NTM: variants seen among roughly 807,000 people sequenced by gnomAD.
NTM encodes IgLON family member 2.
A neutral mutation model predicts 42.1 loss-of-function variants in NTM; 13 were observed. The observed-to-expected ratio is 0.31, with a 90% CI of 0.20 to 0.49. NTM has a LOEUF of 0.49. Ranked by LOEUF, NTM falls within the 20% of genes least tolerant of loss-of-function variation. The probability of loss-of-function intolerance (pLI) is 0.99; values close to 1 mark genes in which losing one functional copy is unlikely to be tolerated. For missense variants in NTM, 373 were observed against 452.8 expected, an observed-to-expected ratio of 0.82 and a Z score of 1.60; for synonymous variants, 187 against 179.2, an observed-to-expected ratio of 1.04 and a Z score of -0.35.
At chr11:132,144,435 TG>T (rs1314310564) in intron 2 of NTM, among the ~76,000 whole-genome samples, 4 of 152,220 alleles carry the variant, frequency 2.6e-5, no homozygotes, top group African/African-American at 9.6e-5. Flanking sequence ...TTTAAGGCTG[TG>T]TTCTCACCAC....
intron 1 of NTM, among the ~76,000 whole-genome samples, chr11:131,686,812 A>C (rs1171502763): frequency 1.3e-5 from 2 of 152,220 alleles, no homozygotes; most frequent in African/African-American, 4.8e-5. Context: ...TGATGTTTTC[A>C]AAGGTAGAAA....
chr11:132,313,995 ATG>A (rs2095354763), intron 6 of NTM, among the ~76,000 whole-genome samples: 1 of 152,200 alleles, frequency 6.6e-6, no homozygotes, highest in African/African-American at 2.4e-5. Context: ...TGAGAAAATG[ATG>A]ATTTTTCTCC....
chr11:132,140,409 A>G (rs1418805655), intron 2 of NTM, among the ~76,000 whole-genome samples: 1 of 152,174 alleles, frequency 6.6e-6, no homozygotes, highest in African/African-American at 2.4e-5. Context: ...TTTCATAGCT[A>G]GGAAAGATTC....
In NTM at chr11:131,922,913, A is replaced by G. The variant is rs367976364; in HGVS notation, c.167+11265A>G. 2.6e-4 allele frequency among the ~76,000 whole-genome samples: 40 copies of G among 152,294 alleles called. 2 individuals are homozygous for G. The highest frequency in any genetic ancestry group is 9.1e-4 in the African/African-American group (38 of 41,552). ...ACGTCGCTGCTGCCTCGCTCGTGGGAATGCAGAACGCTGAACTTCTCTGCT... is the reference window on the plus strand; with the variant it reads ...ACGTCGCTGCTGCCTCGCTCGTGGGGATGCAGAACGCTGAACTTCTCTGCT... On this transcript the variant is annotated intron_variant, in intron 2 of 8. Transcript: ENST00000683400.
At chr11:132,315,195 T>C in intron 7 of NTM, 1 of 620,684 alleles carries the variant, frequency 1.6e-6, no homozygotes, top group African/African-American at 2.0e-5. Context: ...CTTACTGGCT[T>C]AGTGTAAAAT....
At chr11:131,516,785 CAG>C (rs1565589867) in intron 1 of NTM, among the ~76,000 whole-genome samples, 1 of 152,196 alleles carries the variant, frequency 6.6e-6, no homozygotes, top group African/African-American at 2.4e-5. Flanking sequence ...TGTGACTGCT[CAG>C]AGAGAAGGTC....
chr11:132,004,651 C>CA (rs1555214631), intron 2 of NTM, among the ~76,000 whole-genome samples: 2 of 151,420 alleles, frequency 1.3e-5, no homozygotes, highest in Non-Finnish European at 2.9e-5. Flanking sequence ...CACACACACA[C>CA]ACAACACACA....
chr11:131,801,304 G>T (rs917268428), intron 1 of NTM, among the ~76,000 whole-genome samples: 8 of 152,172 alleles, frequency 5.3e-5, no homozygotes, highest in Admixed American at 2.0e-4. Context: ...TCAATTGTGT[G>T]TTGGGAGTTG....
chr11:132,050,815 C>A (rs982091343), intron 2 of NTM, among the ~76,000 whole-genome samples: 2 of 152,222 alleles, frequency 1.3e-5, no homozygotes, highest in Non-Finnish European at 2.9e-5. Context: ...GCAGGGCTGG[C>A]TGGTGTCTCT....
rs73592232 is a variant in NTM, at chr11:131,649,590, G to C, written c.83-261974G>C. On this transcript the variant is annotated intron_variant, in intron 1 of 8. Coordinates refer to ENST00000683400, the MANE Select transcript of NTM (RefSeq NM_001352005.2). Reference sequence around the variant, plus strand: ...ATCTATTCTCCGAGGTCACACTAGAGTTCCATAAGGTCAAGGAGTTAATCG... The same window carrying C: ...ATCTATTCTCCGAGGTCACACTAGACTTCCATAAGGTCAAGGAGTTAATCG... Among the ~76,000 whole-genome samples the C allele has an allele frequency of 8.5e-3, 1,288 of 152,270 alleles. 15 individuals are homozygous for C. Among genetic ancestry groups the C allele is most frequent in the African/African-American group, 0.027 (1,125 of 41,552 alleles).
chr11:132,129,688 C>G (rs2066479359), intron 2 of NTM, among the ~76,000 whole-genome samples: 1 of 152,168 alleles, frequency 6.6e-6, no homozygotes, highest in African/African-American at 2.4e-5. Context: ...CATTATTTTT[C>G]TTCAGTGCAC....
intron 1 of NTM, among the ~76,000 whole-genome samples, chr11:131,599,693 T>C (rs1432558937): frequency 6.6e-6 from 1 of 152,200 alleles, no homozygotes; most frequent in African/African-American, 2.4e-5. Flanking sequence ...CAATGAAATA[T>C]TGTCATGTGA....
At chr11:132,279,465 C>T (rs756027496) in intron 4 of NTM, among the ~76,000 whole-genome samples, 10 of 152,172 alleles carry the variant, frequency 6.6e-5, no homozygotes, top group Admixed American at 1.3e-4. Flanking sequence ...AGTCCTTTTG[C>T]TTGTCATGTT....
At chr11:131,462,033 A>G (rs1951430686) in intron 1 of NTM, among the ~76,000 whole-genome samples, 1 of 150,916 alleles carries the variant, frequency 6.6e-6, no homozygotes, top group South Asian at 2.1e-4. Context: ...AATGTCTCTC[A>G]ACTAGTGAGT....
At chr11:132,188,381 G>C (rs1165129581) in intron 3 of NTM, among the ~76,000 whole-genome samples, 41 of 152,162 alleles carry the variant, frequency 2.7e-4, no homozygotes, top group African/African-American at 4.8e-5. Flanking sequence ...GCCATGCAAG[G>C]CTTGCTTTTG....
chr11:132,092,609 G>C (rs565891819), intron 2 of NTM, among the ~76,000 whole-genome samples: 2 of 152,144 alleles, frequency 1.3e-5, no homozygotes, highest in South Asian at 4.1e-4. Flanking sequence ...ATGCTCCAAG[G>C]TTCCAGTGCC....
chr11:131,559,933 A>G (rs1465773486), intron 1 of NTM, among the ~76,000 whole-genome samples: 1 of 152,194 alleles, frequency 6.6e-6, no homozygotes, highest in Admixed American at 6.5e-5. Context: ...CTAGCATGGA[A>G]AACAGGGAGA....
At chr11:132,334,877 A>T in intron 8 of NTM, 169 bp from the exon 9 acceptor site, 5 of 626,620 alleles carry the variant, frequency 8.0e-6, no homozygotes, top group Non-Finnish European at 9.9e-6. Context: ...TGTCTTGGGG[A>T]TGTGGGCCAT....
intron 1 of NTM, among the ~76,000 whole-genome samples, chr11:131,838,811 A>C (rs1199753192): frequency 1.3e-5 from 2 of 152,214 alleles, no homozygotes; most frequent in African/African-American, 4.8e-5. Context: ...CATTCAAAAA[A>C]TATCCACTGA....
Sources: gnomAD v4.1 joint callset for allele counts (sites outside exome capture counted in the v4.1 genomes callset) on GRCh38, gnomAD v4.1.1 for gene constraint, MANE v1.5 for transcripts, NCBI Gene and HGNC (gene_info 2026-07-23, HGNC 2026-07-21) for gene names.